The following SMAP2 variants were observed in gnomAD, a reference collection of about 807,000 sequenced individuals.
The protein encoded by SMAP2 is small ArfGAP2.
A neutral mutation model predicts 56.4 loss-of-function variants in SMAP2; 25 were observed. The ratio of observed to expected loss-of-function variants is 0.44; its 90% CI spans 0.32 to 0.62. The LOEUF is 0.62. Among genes scored for constraint, SMAP2 ranks in the 20% least tolerant of loss-of-function variants. The pLI, the probability that SMAP2 is intolerant of heterozygous loss-of-function variation, is 0.04. For synonymous variants in SMAP2, 157 were observed against 181.7 expected (o/e 0.86, Z 1.09); for missense variants, 388 against 545.6 (o/e 0.71, Z 2.88).
At position 40,396,865 on chromosome 1, in the gene SMAP2, G is replaced by A. The variant is rs545689033; in HGVS notation, c.104-9871G>A. 8.1e-6 allele frequency: 8 copies of A among 984,856 alleles called. No individual in the cohort carries two copies. In the Admixed American group the frequency reaches 1.8e-4, roughly 23 times the overall value. The allele number at this position is 984,856 out of a possible 1,614,324, so 61.0% of individuals were successfully genotyped here. On this transcript the variant is annotated intron_variant, in intron 1 of 9. Coordinates refer to ENST00000372718, the MANE Select transcript of SMAP2 (RefSeq NM_022733.3). ...CTTCCTTTTCAGTGAATCAGAGAAT[G>A]GAGGGATATAATGAGTGGAACTGAG...
intron 1 of SMAP2, chr1:40,375,666 G>A: frequency 3.8e-6 from 1 of 266,616 alleles, no homozygotes; most frequent in Non-Finnish European, 5.8e-6. Context: ...TACATCTTCT[G>A]TTAGGTCTAT....
chr1:40,405,258 G>A (rs1644875019), intron 1 of SMAP2, among the ~76,000 whole-genome samples: 1 of 152,208 alleles, frequency 6.6e-6, no homozygotes, highest in Non-Finnish European at 1.5e-5. Flanking sequence ...GGAGGCCAAA[G>A]TGGGAGAATT....
At chr1:40,400,757 A>G (rs1220809495) in intron 1 of SMAP2, among the ~76,000 whole-genome samples, 2 of 152,228 alleles carry the variant, frequency 1.3e-5, no homozygotes, top group South Asian at 2.1e-4. Context: ...GTATGAGACT[A>G]CATGGAAGGT....
At chr1:40,395,710 T>C (rs1644764362) in intron 1 of SMAP2, among the ~76,000 whole-genome samples, 1 of 152,220 alleles carries the variant, frequency 6.6e-6, no homozygotes, top group Non-Finnish European at 1.5e-5. Flanking sequence ...GTAATTTAGA[T>C]AATTCGTATC....
At chr1:40,406,945 C>T in intron 2 of SMAP2, 76 bp downstream of exon 2, 1 of 1,486,264 alleles carries the variant, frequency 6.7e-7, no homozygotes, top group South Asian at 1.3e-5. Flanking sequence ...TCAGTCAAAC[C>T]TGGCACAAAG....
intron 1 of SMAP2, among the ~76,000 whole-genome samples, chr1:40,355,290 T>C (rs1159233926): frequency 6.6e-6 from 1 of 152,224 alleles, no homozygotes; most frequent in Non-Finnish European, 1.5e-5. Context: ...TCAAGGATAA[T>C]GATGAGTATC....
intron 1 of SMAP2, among the ~76,000 whole-genome samples, chr1:40,352,062 T>G (rs1644411386): frequency 6.6e-6 from 1 of 152,096 alleles, no homozygotes; most frequent in Non-Finnish European, 1.5e-5. Context: ...GCAAGTTTAT[T>G]AAGAAAGTAA....
At chr1:40,347,973 T>C (rs1178671326) in intron 1 of SMAP2, among the ~76,000 whole-genome samples, 2 of 152,074 alleles carry the variant, frequency 1.3e-5, no homozygotes, top group Admixed American at 1.3e-4. Flanking sequence ...TTTTGGTGTG[T>C]TTTCAATTTC....
chr1:40,357,983 T>A (rs115198395), intron 1 of SMAP2, among the ~76,000 whole-genome samples: 2,203 of 152,156 alleles, frequency 0.014, 54 homozygotes, highest in African/African-American at 0.05. Context: ...GTTTTTTTTT[T>A]AATAGGGATT....
In SMAP2 at chr1:40,374,731, A is replaced by G. The variant is rs1194188718; in HGVS notation, c.103+508A>G. 2.9e-5 allele frequency: 45 copies of G among 1,550,240 alleles called. No individual in the cohort carries two copies. The highest frequency in any genetic ancestry group is 3.7e-5 in the Non-Finnish European group (42 of 1,146,964). ...AAGGTGGTGATTTTTGCTTCCTGCT[A>G]TTTGGTTAGCAACTCCTGTCATTTT... On this transcript the variant is annotated intron_variant, in intron 1 of 9. Coordinates refer to ENST00000372718, the MANE Select transcript of SMAP2 (RefSeq NM_022733.3). The surrounding 1 kb of genome is among the most constrained non-coding windows in gnomAD (Gnocchi z 5.9).
intron 1 of SMAP2, among the ~76,000 whole-genome samples, chr1:40,379,427 G>A (rs957113386): frequency 1.3e-5 from 2 of 152,266 alleles, no homozygotes; most frequent in East Asian, 3.9e-4. Context: ...AGAACATGGA[G>A]AGCATACACT....
intron 1 of SMAP2, among the ~76,000 whole-genome samples, chr1:40,393,101 CAAA>C (rs11380652): frequency 4.2e-4 from 61 of 144,084 alleles, no homozygotes; most frequent in African/African-American, 1.5e-3. Context: ...GAATCCATCT[CAAA>C]AAAAAAAAAA....
intron 1 of SMAP2, among the ~76,000 whole-genome samples, chr1:40,359,175 T>C (rs1644449047): frequency 6.6e-6 from 1 of 152,240 alleles, no homozygotes; most frequent in Non-Finnish European, 1.5e-5. Context: ...CAATCTCAGC[T>C]CACTGCAACC....
At chr1:40,414,338 C>A in intron 6 of SMAP2, 98 bp downstream of exon 6, 1 of 1,088,508 alleles carries the variant, frequency 9.2e-7, no homozygotes, top group Non-Finnish European at 1.4e-6. Context: ...CCAGTTTTGT[C>A]TTCATTGCCA....
intron 9 of SMAP2, among the ~76,000 whole-genome samples, chr1:40,420,814 G>T (rs1340260089): frequency 6.6e-6 from 1 of 152,270 alleles, no homozygotes; most frequent in Non-Finnish European, 1.5e-5. Flanking sequence ...ACTGTCCTGG[G>T]TTCTTAAAAA....
intron 3 of SMAP2, among the ~76,000 whole-genome samples, chr1:40,409,103 A>G (rs1644911822): frequency 6.6e-6 from 1 of 152,162 alleles, no homozygotes; most frequent in African/African-American, 2.4e-5. Context: ...ATTGCCATTC[A>G]TTTTTATCAT....
At chr1:40,371,028 C>A (rs892727641), upstream of SMAP2, among the ~76,000 whole-genome samples, 1 of 151,958 alleles carries the variant, frequency 6.6e-6, no homozygotes, top group Non-Finnish European at 1.5e-5. Flanking sequence ...AAAAAATTAG[C>A]CAGGAGTGGT....
chr1:40,416,320 A>T lies in SMAP2; in HGVS notation c.826A>T (p.Thr276Ser), dbSNP rs757304760. Residue 276 changes from threonine (T) to serine (S), a missense_variant, in exon 8 of 10, where the codon ACG becomes TCG. Transcript: ENST00000372718. ...CATTCTTTCACTGTATGGATCCCAGACGCCTCAAATGCCTACTCAAGGTAG... is the reference window on the plus strand; with the variant it reads ...CATTCTTTCACTGTATGGATCCCAGTCGCCTCAAATGCCTACTCAAGGTAG... Reference protein sequence around the residue: ...DSILSLYGSQTPQMPTQAMFM... With the variant: ...DSILSLYGSQSPQMPTQAMFM... 11 of 1,613,952 alleles carry T rather than the reference A, an allele frequency of 6.8e-6. 1 individual carries two copies. The South Asian group carries it at 1.2e-4, about 18-fold the overall frequency.
chr1:40,379,600 A>G (rs1644577209), intron 1 of SMAP2, among the ~76,000 whole-genome samples: 1 of 120,486 alleles, frequency 8.3e-6, no homozygotes, highest in Non-Finnish European at 1.6e-5. Flanking sequence ...CTTGCTATGT[A>G]CAGTGGTGCA....
Sources: gnomAD v4.1 joint callset for allele counts (sites outside exome capture counted in the v4.1 genomes callset) on GRCh38, gnomAD v4.1.1 for gene constraint, Gnocchi (gnomAD v3.1) non-coding constraint, MANE v1.5 for transcripts, NCBI Gene and HGNC (gene_info 2026-07-23, HGNC 2026-07-21) for gene names.